RIPK1: variants seen among roughly 807,000 people sequenced by gnomAD.
RIPK1 encodes the protein receptor-interacting serine/threonine-protein kinase 1.
In RIPK1, 27 loss-of-function variants were observed where a neutral mutation model predicts 62.4. That is an observed-to-expected ratio of 0.43 (90% CI 0.32 to 0.60). RIPK1 has a LOEUF of 0.60. Ranked by LOEUF, RIPK1 falls within the 20% of genes least tolerant of loss-of-function variation. RIPK1 has a pLI of 0.07. For missense variants in RIPK1, 735 were observed against 831.0 expected, an observed-to-expected ratio of 0.88 and a Z score of 1.42; for synonymous variants, 287 against 303.2, an observed-to-expected ratio of 0.95 and a Z score of 0.55.
intron 1 of RIPK1, among the ~76,000 whole-genome samples, chr6:3,071,761 TA>T (rs1428143874): frequency 6.6e-6 from 1 of 152,206 alleles, no homozygotes; most frequent in East Asian, 1.9e-4. Context: ...GGTCAGGAGC[TA>T]AGCTCCCAAA....
intron 4 of RIPK1, among the ~76,000 whole-genome samples, chr6:3,082,418 C>G (rs1294352034): frequency 6.6e-6 from 1 of 152,222 alleles, no homozygotes; most frequent in Non-Finnish European, 1.5e-5. Flanking sequence ...CACCTATATT[C>G]TCTTCTGAAC....
rs1258857569 is a variant in RIPK1 at position 3,072,873 on chromosome 6, A to G, written c.-60-3891A>G. 6.6e-6 allele frequency among the ~76,000 whole-genome samples: 1 copy of G among 150,990 alleles called. No homozygotes were observed. Among genetic ancestry groups the G allele is most frequent in the Non-Finnish European group, 1.5e-5 (1 of 68,032 alleles). On this transcript the variant is annotated intron_variant, in intron 1 of 10. Coordinates refer to ENST00000259808, the MANE Select transcript of RIPK1 (RefSeq NM_001354930.2). The surrounding 1 kb of genome is among the most constrained non-coding windows in gnomAD (Gnocchi z 5.6). Reference sequence around the variant, plus strand: ...AGTGATGTGTAGTGAATGAAAAAGGAGGCCTAAAATCAATGTTATCTTTTA... The same window carrying G: ...AGTGATGTGTAGTGAATGAAAAAGGGGGCCTAAAATCAATGTTATCTTTTA...
At chr6:3,081,257 C>T in intron 4 of RIPK1, 141 bp downstream of exon 4, 1 of 922,454 alleles carries the variant, frequency 1.1e-6, no homozygotes, top group Non-Finnish European at 1.6e-6. Context: ...CCGAAAGGCT[C>T]TACCGGTGAT....
intron 7 of RIPK1, among the ~76,000 whole-genome samples, chr6:3,095,985 T>G (rs1760271640): frequency 6.6e-6 from 1 of 152,056 alleles, no homozygotes; most frequent in Admixed American, 6.6e-5. Context: ...ACCACAGGCA[T>G]GCACCACCAT....
chr6:3,068,630 G>A lies in RIPK1; in HGVS notation c.-92G>A. 2 of 985,354 alleles carry A rather than the reference G, an allele frequency of 2.0e-6. No individual in the cohort carries two copies. Among genetic ancestry groups the A allele is most frequent in the Non-Finnish European group, 2.4e-6 (2 of 829,960 alleles). The allele number at this position is 985,354 out of a possible 1,614,324, so 61.0% of individuals were successfully genotyped here. A position where few individuals can be genotyped will look rare whatever the true frequency, so the allele number is the denominator to read the frequency against. On this transcript the variant is annotated 5_prime_UTR_variant, in exon 1 of 11. Coordinates refer to ENST00000259808, the MANE Select transcript of RIPK1 (RefSeq NM_001354930.2). The stretch of plus-strand genomic sequence containing the variant: ...GGGCCGACGGAGCGCGGCAGGACTT[G>A]GCTGGACGGCGCGGCCACGGAGAAG...
At chr6:3,086,684 A>G (rs1489776863) in intron 6 of RIPK1, among the ~76,000 whole-genome samples, 1 of 152,182 alleles carries the variant, frequency 6.6e-6, no homozygotes, top group African/African-American at 2.4e-5. Flanking sequence ...TTCAAGACAC[A>G]CCGCATTCCA....
At chr6:3,079,539 G>T (rs1316335064) in intron 3 of RIPK1, among the ~76,000 whole-genome samples, 9 of 152,236 alleles carry the variant, frequency 5.9e-5, no homozygotes, top group Non-Finnish European at 1.2e-4. Flanking sequence ...ATACCATGTA[G>T]AGACTGCCAA....
At chr6:3,073,751 C>T (rs1339976605) in intron 1 of RIPK1, among the ~76,000 whole-genome samples, 1 of 152,210 alleles carries the variant, frequency 6.6e-6, no homozygotes, top group East Asian at 1.9e-4. Flanking sequence ...TAGCCGGCCA[C>T]TGTGCAACAC....
intron 4 of RIPK1, among the ~76,000 whole-genome samples, 190 bp from the exon 5 acceptor site, chr6:3,082,895 C>T: frequency 6.6e-6 from 1 of 152,194 alleles, no homozygotes; most frequent in Non-Finnish European, 1.5e-5. Flanking sequence ...CGACATTTTA[C>T]AAATGGCTGA....
chr6:3,077,589 T>C (rs989442386), intron 2 of RIPK1, among the ~76,000 whole-genome samples, 190 bp from the exon 3 acceptor site: 4 of 152,222 alleles, frequency 2.6e-5, no homozygotes, highest in African/African-American at 9.6e-5. Context: ...CACTGCCAGT[T>C]ACTGGGCAGG....
intron 7 of RIPK1, among the ~76,000 whole-genome samples, chr6:3,099,154 A>T (rs1450057227): frequency 6.6e-6 from 1 of 152,280 alleles, no homozygotes; most frequent in Non-Finnish European, 1.5e-5. Context: ...AGATTATTGT[A>T]TATGACTTCA....
At position 3,076,740 on chromosome 6, in the gene RIPK1, GT is replaced by G. The variant is rs1186513464; in HGVS notation, c.-60-20del. 2.5e-6 allele frequency: 3 copies of G among 1,196,562 alleles called. No homozygotes were observed. In the African/African-American group the frequency reaches 5.8e-5, roughly 23 times the overall value. 74.1% of individuals were successfully genotyped at this position (1,196,562 alleles called of 1,614,324 possible). On this transcript the variant is annotated intron_variant, in intron 1 of 10. Coordinates refer to ENST00000259808, the MANE Select transcript of RIPK1 (RefSeq NM_001354930.2). ...TATATATATATAGTCTTGCCCTGAG[GT>G]TTTCTCTCTGTTTTCTTTACAGGGT...
intron 7 of RIPK1, among the ~76,000 whole-genome samples, chr6:3,094,937 T>A (rs1760205527): frequency 6.6e-6 from 1 of 152,002 alleles, no homozygotes. Context: ...TGGTGGCATG[T>A]GCCAGTAGTC....
chr6:3,104,277 T>C lies in RIPK1; in HGVS notation c.968T>C (p.Leu323Pro), dbSNP rs1344080235. The change falls in exon 8 of 11, where the codon CTT becomes CCT. Residue 323 changes from leucine to proline, a missense_variant. Leu to Pro is a moderately conservative substitution (Grantham distance 98, BLOSUM62 -3). Coordinates refer to ENST00000259808, the MANE Select transcript of RIPK1 (RefSeq NM_001354930.2). The part of the protein sequence containing the change: ...AVVKRMQSLQ[L>P]DCVAVPSSRS... Reference sequence around the variant, plus strand: ...GTGAAGAGAATGCAGTCTCTTCAACTTGATTGTGTGGCAGTACCTTCAAGC... The same window carrying C: ...GTGAAGAGAATGCAGTCTCTTCAACCTGATTGTGTGGCAGTACCTTCAAGC... 1 of 1,605,004 alleles carries C rather than the reference T, an allele frequency of 6.2e-7. No homozygotes were observed. The highest frequency in any genetic ancestry group is 1.7e-5 in the Admixed American group (1 of 59,744).
intron 4 of RIPK1, among the ~76,000 whole-genome samples, chr6:3,081,330 T>C (rs1412781884): frequency 6.6e-6 from 1 of 152,186 alleles, no homozygotes; most frequent in Non-Finnish European, 1.5e-5. Context: ...TCATATCTTT[T>C]GGGGGAGGAG....
chr6:3,065,592 G>A (rs138326721), upstream of RIPK1, among the ~76,000 whole-genome samples: 229 of 152,210 alleles, frequency 1.5e-3, 1 homozygote, highest in African/African-American at 5.2e-3. Context: ...CTCACCTGGA[G>A]GAGTCAGGGT....
chr6:3,084,588 A>C (rs1463558298), intron 5 of RIPK1, among the ~76,000 whole-genome samples: 1 of 111,550 alleles, frequency 9.0e-6, no homozygotes, highest in African/African-American at 3.3e-5. Flanking sequence ...CCCCTTGTAC[A>C]TCCTTTTTTT....
chr6:3,087,359 T>C (rs1328452403), intron 6 of RIPK1, among the ~76,000 whole-genome samples: 1 of 152,094 alleles, frequency 6.6e-6, no homozygotes, highest in African/African-American at 2.4e-5. Context: ...TCTGACAACA[T>C]AAAAACTATA....
chr6:3,068,263 C>A, upstream of RIPK1: 1 of 985,556 alleles, frequency 1.0e-6, no homozygotes, highest in Non-Finnish European at 1.2e-6. Context: ...CGCTGTAATC[C>A]ACCCAGTGCT....
Sources: allele counts gnomAD v4.1 joint callset (sites outside exome capture counted in the v4.1 genomes callset), GRCh38; gene constraint gnomAD v4.1.1; non-coding constraint Gnocchi (gnomAD v3.1); transcripts MANE v1.5; gene names NCBI Gene and HGNC (gene_info 2026-07-23, HGNC 2026-07-21).